MARCHF3: variants seen among roughly 807,000 people sequenced by gnomAD.
MARCHF3 encodes the protein E3 ubiquitin-protein ligase MARCHF3.
A neutral mutation model predicts 24.2 loss-of-function variants in MARCHF3; 13 were observed. That is an observed-to-expected ratio of 0.54 (90% confidence interval 0.35 to 0.85). MARCHF3 has a LOEUF of 0.85. MARCHF3 is among the 40% of genes least tolerant of loss of function. MARCHF3 has a pLI of 0.01. For synonymous variants in MARCHF3, 144 were observed against 137.3 expected, an observed-to-expected ratio of 1.05 and a Z score of -0.34; for missense variants, 276 against 325.0, an observed-to-expected ratio of 0.85 and a Z score of 1.16.
At chr5:127,001,767 T>A (rs1452885980) in intron 1 of MARCHF3, among the ~76,000 whole-genome samples, 3 of 152,224 alleles carry the variant, frequency 2.0e-5, no homozygotes, top group Non-Finnish European at 4.4e-5. Flanking sequence ...TAGCAGACAG[T>A]CATCAGGGTG....
chr5:127,024,093 T>C (rs1209481585), intron 1 of MARCHF3, among the ~76,000 whole-genome samples: 1 of 152,096 alleles, frequency 6.6e-6, no homozygotes, highest in East Asian at 1.9e-4. Flanking sequence ...GGGTGGGAGT[T>C]GAAGACATCC....
intron 1 of MARCHF3, among the ~76,000 whole-genome samples, chr5:126,956,163 G>A (rs907821358): frequency 6.6e-6 from 1 of 152,142 alleles, no homozygotes; most frequent in Non-Finnish European, 1.5e-5. Flanking sequence ...GTCAGAACCT[G>A]TTTTTAAACA....
intron 3 of MARCHF3, among the ~76,000 whole-genome samples, chr5:126,894,729 T>C (rs1332920424): frequency 6.6e-6 from 1 of 152,076 alleles, no homozygotes; most frequent in Non-Finnish European, 1.5e-5. Flanking sequence ...GATTTTTTCC[T>C]TCATTTCAAC....
In MARCHF3 at chr5:126,909,308, T is replaced by C. The variant is rs1244534374; in HGVS notation, c.393+5622A>G. Among the ~76,000 whole-genome samples, 3 of 152,352 alleles carry C rather than the reference T, an allele frequency of 2.0e-5. No homozygotes were observed. The South Asian group carries it at 6.2e-4, about 32-fold the overall frequency. On this transcript the variant is annotated intron_variant, in intron 3 of 4. Coordinates refer to ENST00000308660, the MANE Select transcript of MARCHF3 (RefSeq NM_178450.5). The stretch of plus-strand genomic sequence containing the variant: ...GCCCTGCACGCAGAAGTGGAGCCTA[T>C]AGAGGCAGGCAGGCCTCCTTGAGCT...
intron 1 of MARCHF3, among the ~76,000 whole-genome samples, chr5:126,949,915 G>T (rs1249048897): frequency 6.6e-6 from 1 of 152,074 alleles, no homozygotes; most frequent in Non-Finnish European, 1.5e-5. Context: ...TTCCAAAGGG[G>T]TCCTAGCTGT....
At chr5:126,979,305 C>G (rs1308524466) in intron 1 of MARCHF3, among the ~76,000 whole-genome samples, 1 of 152,196 alleles carries the variant, frequency 6.6e-6, no homozygotes, top group Admixed American at 6.5e-5. Flanking sequence ...TGGCAAACAT[C>G]TGGTACTTAA....
chr5:126,969,904 G>T (rs1750941644), intron 1 of MARCHF3, among the ~76,000 whole-genome samples: 1 of 152,102 alleles, frequency 6.6e-6, no homozygotes, highest in Admixed American at 6.6e-5. Context: ...TCGCCCTGGT[G>T]CTTACCAAAC....
At chr5:126,985,358 G>A (rs1232413575) in intron 1 of MARCHF3, among the ~76,000 whole-genome samples, 1 of 151,990 alleles carries the variant, frequency 6.6e-6, no homozygotes, top group African/African-American at 2.4e-5. Context: ...AAGAATGGGA[G>A]GGACAGGGTT....
At chr5:126,962,024 C>A (rs775949068) in intron 1 of MARCHF3, among the ~76,000 whole-genome samples, 1 of 152,174 alleles carries the variant, frequency 6.6e-6, no homozygotes, top group Non-Finnish European at 1.5e-5. Flanking sequence ...TGTAAACAAA[C>A]AGGCACCTGC....
At chr5:127,016,733 A>G (rs1313471051) in intron 1 of MARCHF3, among the ~76,000 whole-genome samples, 1 of 152,208 alleles carries the variant, frequency 6.6e-6, no homozygotes, top group Non-Finnish European at 1.5e-5. Context: ...TAGAAATACC[A>G]TTTGACCCAG....
At chr5:126,991,130 A>C (rs1230520714) in intron 1 of MARCHF3, among the ~76,000 whole-genome samples, 1 of 152,218 alleles carries the variant, frequency 6.6e-6, no homozygotes, top group Non-Finnish European at 1.5e-5. Context: ...TCACAATAGC[A>C]AAGACTTGGA....
In MARCHF3 at chr5:126,918,054, A is replaced by C; in HGVS notation, c.118T>G (p.Tyr40Asp). ...CGSLVNGQPQ[Y>D]VMQVSAKDGQ... ...TCCTTGGCTGAAACTTGCATGACAT[A>C]CTGCGGCTGCCCATTCACTAGGCTG... Residue 40 changes from tyrosine (Y) to aspartate (D), a missense_variant, in exon 2 of 5, where the codon TAT becomes GAT. By Grantham distance (160) the Tyr-to-Asp change is radical (BLOSUM62 -3). Transcript: ENST00000308660. 6.2e-7 allele frequency: 1 copy of C among 1,614,178 alleles called. No homozygotes were observed. Among genetic ancestry groups the C allele is most frequent in the Non-Finnish European group, 8.5e-7 (1 of 1,180,018 alleles).
chr5:126,975,575 C>T (rs574899906), intron 1 of MARCHF3, among the ~76,000 whole-genome samples: 1 of 152,324 alleles, frequency 6.6e-6, no homozygotes, highest in South Asian at 2.1e-4. Flanking sequence ...CATATTTCCT[C>T]ATCAGCCGCA....
intron 1 of MARCHF3, among the ~76,000 whole-genome samples, chr5:126,945,611 G>A (rs1293937379): frequency 1.3e-5 from 2 of 152,200 alleles, no homozygotes; most frequent in Admixed American, 6.5e-5. Flanking sequence ...GGAGAATGAA[G>A]CTAGAGAGGT....
intron 1 of MARCHF3, among the ~76,000 whole-genome samples, chr5:126,932,705 C>T (rs1326264244): frequency 6.6e-6 from 1 of 152,072 alleles, no homozygotes; most frequent in Non-Finnish European, 1.5e-5. Flanking sequence ...AAATTGTCTC[C>T]CTTTGTTTTT....
chr5:126,893,081 G>T (rs895409778), intron 3 of MARCHF3, among the ~76,000 whole-genome samples: 2 of 151,932 alleles, frequency 1.3e-5, no homozygotes, highest in African/African-American at 4.8e-5. Flanking sequence ...TTGCGTAGAG[G>T]TGTTTGTAGT....
intron 3 of MARCHF3, among the ~76,000 whole-genome samples, chr5:126,878,793 G>T (rs1753255871): frequency 2.0e-5 from 3 of 152,168 alleles, no homozygotes; most frequent in African/African-American, 7.2e-5. Context: ...GCTGGAAACG[G>T]TTGAGTTGCT....
In MARCHF3 at chr5:126,886,964, C is replaced by G. The variant is rs112811610; in HGVS notation, c.394-8570G>C. 4.4e-4 allele frequency among the ~76,000 whole-genome samples: 67 copies of G among 152,310 alleles called. 1 individual carries two copies. Among genetic ancestry groups the G allele is most frequent in the African/African-American group, 1.5e-3 (64 of 41,572 alleles). On this transcript the variant is annotated intron_variant, in intron 3 of 4. Transcript: ENST00000308660. Reference sequence around the variant, plus strand: ...ACATCTTGAGTATGTTTGCACTGCTCTCCCTGGTCACCACTATTCCCATCC... The same window carrying G: ...ACATCTTGAGTATGTTTGCACTGCTGTCCCTGGTCACCACTATTCCCATCC...
At chr5:126,992,668 T>G (rs931533271) in intron 1 of MARCHF3, among the ~76,000 whole-genome samples, 2 of 151,822 alleles carry the variant, frequency 1.3e-5, no homozygotes, top group Non-Finnish European at 2.9e-5. Context: ...TAGGTCAGGG[T>G]GCTGATACGA....
Sources: gnomAD v4.1 joint callset for allele counts (sites outside exome capture counted in the v4.1 genomes callset) on GRCh38, gnomAD v4.1.1 for gene constraint, MANE v1.5 for transcripts, NCBI Gene and HGNC (gene_info 2026-07-23, HGNC 2026-07-21) for gene names.